The following SENP7 variants were observed in gnomAD, a reference collection of about 807,000 sequenced individuals.
SENP7 encodes the protein SUMO specific peptidase 7.
Under a neutral mutation model 141.2 loss-of-function variants are expected in SENP7, and 64 were observed. That is an observed-to-expected ratio of 0.45 (90% CI 0.37 to 0.56). SENP7 has a LOEUF of 0.56. SENP7 is among the 20% of genes least tolerant of loss of function. The pLI is 0.00. For synonymous variants in SENP7, 382 were observed against 426.4 expected (o/e 0.90, Z 1.28); for missense variants, 1,025 against 1,212.2 (o/e 0.85, Z 2.29).
chr3:101,480,707 A>G (rs561908433), intron 3 of SENP7, among the ~76,000 whole-genome samples: 5 of 152,294 alleles, frequency 3.3e-5, no homozygotes, highest in African/African-American at 1.2e-4. Flanking sequence ...TCTAAAGAAT[A>G]GGAGAAATAT....
chr3:101,427,605 C>G (rs2062007550), intron 4 of SENP7, among the ~76,000 whole-genome samples: 1 of 151,966 alleles, frequency 6.6e-6, no homozygotes, highest in Non-Finnish European at 1.5e-5. Context: ...CAAAATGCAC[C>G]TCTGCTTTCA....
intron 17 of SENP7, chr3:101,337,152 G>C (rs1237001208): frequency 6.4e-6 from 1 of 156,914 alleles, no homozygotes; most frequent in African/African-American, 2.4e-5. Context: ...GTTATAGCAG[G>C]TCTGTCCTGT....
At chr3:101,346,787 G>C (rs1200411169) in intron 13 of SENP7, among the ~76,000 whole-genome samples, 2 of 151,890 alleles carry the variant, frequency 1.3e-5, no homozygotes, top group Admixed American at 6.6e-5. Context: ...AGGGATAAAA[G>C]ACTATAAATT....
chr3:101,455,415 AT>A (rs540701446), intron 4 of SENP7, among the ~76,000 whole-genome samples: 2 of 152,192 alleles, frequency 1.3e-5, no homozygotes, highest in Non-Finnish European at 2.9e-5. Flanking sequence ...TAAGTATTTA[AT>A]AGATATTAGC....
intron 3 of SENP7, among the ~76,000 whole-genome samples, chr3:101,471,818 C>G (rs1420440527): frequency 6.6e-6 from 1 of 151,926 alleles, no homozygotes; most frequent in Non-Finnish European, 1.5e-5. Flanking sequence ...AACAAACAAC[C>G]CCCTCATCAA....
intron 4 of SENP7, among the ~76,000 whole-genome samples, chr3:101,457,021 G>C (rs1264111479): frequency 6.6e-6 from 1 of 152,080 alleles, no homozygotes; most frequent in Non-Finnish European, 1.5e-5. Flanking sequence ...TTGTTTCAAA[G>C]TTTATTCTCA....
At position 101,493,965 on chromosome 3, in the gene SENP7, T is replaced by C; in HGVS notation, c.94A>G (p.Arg32Gly). Residue 32 changes from arginine to glycine, a missense_variant, in exon 3 of 24, where the codon AGA becomes GGA. This residue lies in a region of SENP7 where 496 missense variants were observed against 503.5 expected (regional missense o/e 0.99). Transcript: ENST00000394095. ...KKSSSDLSEI[R>G]KMLNAKPEDV... ...TCTGGTTTTGCATTTAACATCTTTCTTATCTGAAAATAGGATGAGAAAATA... is the reference window on the plus strand; with the variant it reads ...TCTGGTTTTGCATTTAACATCTTTCCTATCTGAAAATAGGATGAGAAAATA... 6.3e-7 allele frequency: 1 copy of C among 1,593,652 alleles called. No homozygotes were observed. Among genetic ancestry groups the C allele is most frequent in the Non-Finnish European group, 8.6e-7 (1 of 1,162,270 alleles).
intron 6 of SENP7, among the ~76,000 whole-genome samples, chr3:101,384,538 C>T (rs1330850873): frequency 6.6e-6 from 1 of 152,240 alleles, no homozygotes; most frequent in Non-Finnish European, 1.5e-5. Context: ...ACTGGTCCAA[C>T]TGCAGTCTTG....
intron 18 of SENP7, 34 bp from the exon 19 acceptor site, chr3:101,332,143 C>A: frequency 1.2e-6 from 2 of 1,600,326 alleles, no homozygotes; most frequent in African/African-American, 1.3e-5. Flanking sequence ...TAATACCATG[C>A]AAAGTCTAAA....
At chr3:101,495,793 C>T (rs1186004760) in intron 2 of SENP7, among the ~76,000 whole-genome samples, 1 of 152,120 alleles carries the variant, frequency 6.6e-6, no homozygotes, top group East Asian at 1.9e-4. Flanking sequence ...GGATGCTGGC[C>T]TTAATATCTA....
At chr3:101,349,120 G>C (rs1440383062) in intron 12 of SENP7, among the ~76,000 whole-genome samples, 1 of 152,134 alleles carries the variant, frequency 6.6e-6, no homozygotes, top group African/African-American at 2.4e-5. Context: ...TGATTCACAT[G>C]AACATTAAAA....
chr3:101,376,765 C>T lies in SENP7; in HGVS notation c.678-4639G>A, dbSNP rs184535991. On this transcript the variant is annotated intron_variant, in intron 6 of 23. Transcript: ENST00000394095. ...AAACCTGCACGTTGTGCACATGTAC[C>T]CTAAAACTTAAAGTATAATTTAAAA... Among the ~76,000 whole-genome samples the T allele has an allele frequency of 2.3e-3, 353 of 151,650 alleles. 3 individuals are homozygous for T. The highest frequency in any genetic ancestry group is 8.3e-3 in the African/African-American group (343 of 41,302).
In SENP7 at chr3:101,394,516, AT is replaced by A. The variant is rs199987414; in HGVS notation, c.677+4344del. 1.2e-3 allele frequency among the ~76,000 whole-genome samples: 162 copies of A among 138,366 alleles called. 1 individual carries two copies. Among genetic ancestry groups the A allele is most frequent in the Admixed American group, 1.1e-3 (15 of 13,418 alleles). 90.8% of individuals were successfully genotyped at this position (138,366 alleles called of 152,430 possible). On this transcript the variant is annotated intron_variant, in intron 6 of 23. Transcript: ENST00000394095. ...TCTATTTTTATGTTTCTTTTTAAAA[AT>A]TTTTTTTTTTTTTGAGACGGAGTCT...
At chr3:101,363,086 A>G (rs779744271) in intron 10 of SENP7, 5 of 658,796 alleles carry the variant, frequency 7.6e-6, no homozygotes, top group African/African-American at 2.0e-5. Context: ...TCTAAAACAT[A>G]TATCATACTC....
intron 11 of SENP7, among the ~76,000 whole-genome samples, chr3:101,355,440 T>G (rs2059715137): frequency 6.6e-6 from 1 of 152,214 alleles, no homozygotes; most frequent in African/African-American, 2.4e-5. Context: ...GCTAGCCAGT[T>G]ATCTTAGCAC....
At chr3:101,441,212 C>T (rs1342679103) in intron 4 of SENP7, among the ~76,000 whole-genome samples, 1 of 152,166 alleles carries the variant, frequency 6.6e-6, no homozygotes. Context: ...TGTCCAGAAG[C>T]ATGAGTACTG....
intron 10 of SENP7, 34 bp downstream of exon 10, chr3:101,364,800 A>G (rs761985892): frequency 1.4e-6 from 2 of 1,418,988 alleles, no homozygotes; most frequent in Non-Finnish European, 1.9e-6. Flanking sequence ...TGTACATTTC[A>G]TTGTTAATCT....
chr3:101,482,608 A>C (rs2064540414), intron 3 of SENP7, among the ~76,000 whole-genome samples: 1 of 152,200 alleles, frequency 6.6e-6, no homozygotes, highest in South Asian at 2.1e-4. Flanking sequence ...TAAAAAACAC[A>C]ATTTTTAAAG....
intron 3 of SENP7, among the ~76,000 whole-genome samples, chr3:101,466,403 G>C (rs1208938838): frequency 1.3e-5 from 2 of 152,070 alleles, no homozygotes; most frequent in African/African-American, 4.8e-5. Context: ...ATCCCCATAA[G>C]ATTAAAAACA....
Sources: allele counts gnomAD v4.1 joint callset (sites outside exome capture counted in the v4.1 genomes callset), GRCh38; gene constraint gnomAD v4.1.1; regional missense constraint gnomAD v4.1.1; transcripts MANE v1.5; gene names NCBI Gene and HGNC (gene_info 2026-07-23, HGNC 2026-07-21).